Variants in SNTG2 observed in about 807,000 individuals in gnomAD.
SNTG2 encodes the protein syntrophin gamma 2.
A neutral mutation model predicts 70.9 loss-of-function variants in SNTG2; 74 were observed. The observed-to-expected ratio is 1.04, with a 90% confidence interval of 0.86 to 1.27. The LOEUF (loss-of-function observed/expected upper bound fraction) is 1.27. Ranked by LOEUF, SNTG2 falls within the 50% of genes most tolerant of loss-of-function variation. SNTG2 has a pLI of 0.00. For missense variants in SNTG2, 717 were observed against 690.7 expected (o/e 1.04, Z -0.43); for synonymous variants, 278 against 273.8 (o/e 1.02, Z -0.15).
At chr2:1,023,670 G>A (rs867946547) in intron 1 of SNTG2, among the ~76,000 whole-genome samples, 3 of 152,148 alleles carry the variant, frequency 2.0e-5, no homozygotes, top group Admixed American at 6.5e-5. Context: ...GGACACTCGC[G>A]TTGCCCAGCC....
At chr2:1,162,780 G>C (rs539809159) in intron 6 of SNTG2, among the ~76,000 whole-genome samples, 1 of 136,544 alleles carries the variant, frequency 7.3e-6, no homozygotes, top group Admixed American at 6.8e-5. Flanking sequence ...GATCTTGTGC[G>C]GGGGGAGGAT....
intron 16 of SNTG2, 55 bp downstream of exon 16, chr2:1,316,430 T>A: frequency 1.1e-6 from 1 of 895,350 alleles, no homozygotes; most frequent in African/African-American, 1.7e-5. Flanking sequence ...AAAGTACAGC[T>A]CAGAGGGTCC....
chr2:1,308,894 C>G (rs1168476746), intron 15 of SNTG2, among the ~76,000 whole-genome samples: 1 of 152,132 alleles, frequency 6.6e-6, no homozygotes, highest in Admixed American at 6.5e-5. Flanking sequence ...AAACACTCAT[C>G]GTTGCCTGCC....
intron 1 of SNTG2, among the ~76,000 whole-genome samples, chr2:956,043 GCCCCTGC>G (rs1287007913): frequency 1.9e-5 from 2 of 107,950 alleles, no homozygotes; most frequent in African/African-American, 7.0e-5. Context: ...CCCTGCCCCT[GCCCCTGC>G]CCCTGCCCCT....
At chr2:1,139,081 C>T (rs1014447127) in intron 6 of SNTG2, among the ~76,000 whole-genome samples, 4 of 152,178 alleles carry the variant, frequency 2.6e-5, no homozygotes, top group South Asian at 2.1e-4. Flanking sequence ...CAAAAAGTCT[C>T]GAGTAGATGA....
At chr2:1,193,733 T>C (rs1242605979) in intron 8 of SNTG2, among the ~76,000 whole-genome samples, 1 of 152,200 alleles carries the variant, frequency 6.6e-6, no homozygotes, top group Non-Finnish European at 1.5e-5. Flanking sequence ...CAGAAGTAAA[T>C]TTATTTTTAT....
chr2:1,216,747 G>T (rs1674418967), intron 9 of SNTG2, among the ~76,000 whole-genome samples: 1 of 152,190 alleles, frequency 6.6e-6, no homozygotes, highest in African/African-American at 2.4e-5. Context: ...GTTAGGCTTT[G>T]TGTCTCCACC....
At chr2:1,201,978 A>G (rs1188090570) in intron 8 of SNTG2, among the ~76,000 whole-genome samples, 2 of 152,052 alleles carry the variant, frequency 1.3e-5, no homozygotes, top group Non-Finnish European at 2.9e-5. Context: ...GGAAGCAGCC[A>G]GATGATAAAA....
At chr2:1,364,599 C>CA (rs201519088) in intron 16 of SNTG2, among the ~76,000 whole-genome samples, 103,521 of 149,046 alleles carry the variant, frequency 0.69, 36,379 homozygotes, top group East Asian at 0.94. Flanking sequence ...ACTAAAAATA[C>CA]AAAAAAAAAT....
intron 2 of SNTG2, among the ~76,000 whole-genome samples, chr2:1,091,570 G>C (rs1338980813): frequency 1.3e-5 from 2 of 152,158 alleles, no homozygotes; most frequent in Non-Finnish European, 2.9e-5. Context: ...CCCCGCATCA[G>C]GTTAGGGCTA....
At chr2:1,299,686 G>A (rs557566960) in intron 14 of SNTG2, among the ~76,000 whole-genome samples, 25 of 152,302 alleles carry the variant, frequency 1.6e-4, no homozygotes, top group African/African-American at 6.0e-4. Flanking sequence ...CACAAGAAAC[G>A]TGGAGCACAA....
At chr2:1,116,113 GA>G (rs1666949142) in intron 4 of SNTG2, among the ~76,000 whole-genome samples, 1 of 152,198 alleles carries the variant, frequency 6.6e-6, no homozygotes, top group African/African-American at 2.4e-5. Flanking sequence ...ACACAATGGG[GA>G]TGTAATCGTA....
intron 12 of SNTG2, among the ~76,000 whole-genome samples, 175 bp from the exon 13 acceptor site, chr2:1,259,195 G>A (rs1558606707): frequency 6.6e-6 from 1 of 152,112 alleles, no homozygotes; most frequent in Non-Finnish European, 1.5e-5. Flanking sequence ...ATGAGGATGT[G>A]GCAACTCATC....
At chr2:1,119,972 AAAC>A (rs1213850261) in intron 4 of SNTG2, among the ~76,000 whole-genome samples, 5 of 152,116 alleles carry the variant, frequency 3.3e-5, no homozygotes, top group African/African-American at 1.2e-4. Flanking sequence ...TGAATATTAC[AAAC>A]AACAAGAAAA....
In SNTG2 at chr2:1,325,971, T is replaced by G. The variant is rs1029257543; in HGVS notation, c.1488+9596T>G. 1.2e-4 allele frequency among the ~76,000 whole-genome samples: 18 copies of G among 152,120 alleles called. No homozygotes were observed. In the East Asian group the frequency reaches 3.3e-3, roughly 28 times the overall value. On this transcript the variant is annotated intron_variant, in intron 16 of 16. Coordinates refer to ENST00000308624, the MANE Select transcript of SNTG2 (RefSeq NM_018968.4). ...GCCTCAGCCTCCTGAGTAACTGGGA[T>G]TACAGGCACCTGTGACCACGCCCAG...
At chr2:1,289,793 G>A (rs567184036) in intron 14 of SNTG2, among the ~76,000 whole-genome samples, 2 of 152,162 alleles carry the variant, frequency 1.3e-5, no homozygotes, top group South Asian at 4.2e-4. Context: ...CCAGCTCCCC[G>A]TGCTCCAACC....
At chr2:1,054,598 C>T (rs1662274875) in intron 1 of SNTG2, among the ~76,000 whole-genome samples, 1 of 152,140 alleles carries the variant, frequency 6.6e-6, no homozygotes, top group Non-Finnish European at 1.5e-5. Context: ...CCCCACAGAG[C>T]CGCCTTGGTG....
In SNTG2 at chr2:1,098,251, A is replaced by G; in HGVS notation, c.266A>G (p.Lys89Arg). ...QPVGGLGLSI[K>R]GGSEHNVPVV... is the part of the protein sequence containing the mutation. ...GTTGGCGGCTTGGGCCTGAGTATAA[A>G]GGTATGGAAATGGTTTTCTCTATTC... Residue 89 changes from lysine (K) to arginine (R), a missense_variant and splice_region_variant, in exon 3 of 17, where the codon AAG becomes AGG. Physicochemically the swap from Lys to Arg is conservative, Grantham distance 26. Transcript: ENST00000308624. 1 of 1,614,040 alleles carries G rather than the reference A, an allele frequency of 6.2e-7. No individual in the cohort carries two copies. The highest frequency in any genetic ancestry group is 8.5e-7 in the Non-Finnish European group (1 of 1,179,884).
intron 8 of SNTG2, among the ~76,000 whole-genome samples, chr2:1,200,390 C>T (rs926397016): frequency 4.6e-5 from 7 of 151,884 alleles, no homozygotes; most frequent in South Asian, 2.1e-4. Context: ...AAAGCTTAAA[C>T]GTGAGATCCA....
Sources: allele counts gnomAD v4.1 joint callset (sites outside exome capture counted in the v4.1 genomes callset), GRCh38; gene constraint gnomAD v4.1.1; transcripts MANE v1.5; gene names NCBI Gene and HGNC (gene_info 2026-07-23, HGNC 2026-07-21).